The following EPHA7 variants were observed in gnomAD, a reference collection of about 807,000 sequenced individuals.
EPHA7 encodes EPH receptor A7, also known as ephrin type-A receptor 7.
In EPHA7, 25 loss-of-function variants were observed where a neutral mutation model predicts 112.6. That is an observed-to-expected ratio of 0.22 (90% CI 0.16 to 0.31). The LOEUF (loss-of-function observed/expected upper bound fraction) is 0.31, where lower values mean the gene tolerates loss of function less well. Among genes scored for constraint, EPHA7 ranks in the 10% least tolerant of loss-of-function variants. EPHA7 has a pLI of 1.00. For missense variants in EPHA7, 962 were observed against 1,212.6 expected, an observed-to-expected ratio of 0.79 and a Z score of 3.07; for synonymous variants, 437 against 406.5, an observed-to-expected ratio of 1.07 and a Z score of -0.90.
intron 3 of EPHA7, among the ~76,000 whole-genome samples, chr6:93,389,216 A>C (rs1033093784): frequency 2.0e-5 from 3 of 152,112 alleles, no homozygotes; most frequent in Admixed American, 6.6e-5. Context: ...TGAGTTAGAC[A>C]GTGTGTTAAA....
intron 10 of EPHA7, 58 bp downstream of exon 10, chr6:93,259,296 A>G (rs1770581999): frequency 6.2e-7 from 1 of 1,600,004 alleles, no homozygotes; most frequent in South Asian, 1.1e-5. Flanking sequence ...ATTATGATGT[A>G]TGACTTTCGA....
rs547685753 is a variant in EPHA7 at position 93,245,511 on chromosome 6, T to C, written c.2727-58A>G. The C allele has an allele frequency of 4.7e-5, 73 of 1,548,422 alleles. No individual in the cohort carries two copies. The African/African-American group carries it at 8.7e-4, about 19-fold the overall frequency. The stretch of plus-strand genomic sequence containing the variant: ...ATCCTGAAATACCAAAGAAAGAATG[T>C]TTTGGCCCATATAAAATTAAGGTAT... On this transcript the variant is annotated intron_variant, in intron 15 of 16. Coordinates refer to ENST00000369303, the MANE Select transcript of EPHA7 (RefSeq NM_004440.4).
At chr6:93,251,623 A>AAAAT (rs74279359) in intron 14 of EPHA7, among the ~76,000 whole-genome samples, 97,447 of 150,906 alleles carry the variant, frequency 0.65, 32,514 homozygotes, top group South Asian at 0.83. Context: ...CTAGAAGAAA[A>AAAAT]AAAATCTATA....
intron 5 of EPHA7, among the ~76,000 whole-genome samples, chr6:93,311,822 A>G (rs1222745062): frequency 1.3e-5 from 2 of 152,228 alleles, no homozygotes; most frequent in Non-Finnish European, 2.9e-5. Context: ...TTGAAAGGTG[A>G]AATTACTCTT....
intron 5 of EPHA7, among the ~76,000 whole-genome samples, chr6:93,353,897 G>A (rs1775816274): frequency 6.6e-6 from 1 of 151,966 alleles, no homozygotes; most frequent in Non-Finnish European, 1.5e-5. Context: ...CTGGTAAAGG[G>A]TCTTGTGCTC....
intron 14 of EPHA7, among the ~76,000 whole-genome samples, chr6:93,248,824 C>T (rs1161509420): frequency 1.3e-5 from 2 of 152,080 alleles, no homozygotes; most frequent in Non-Finnish European, 2.9e-5. Flanking sequence ...TGCCTCACAT[C>T]CTCTTATATA....
chr6:93,394,966 T>C (rs1322519090), intron 3 of EPHA7, among the ~76,000 whole-genome samples: 1 of 151,874 alleles, frequency 6.6e-6, no homozygotes, highest in Admixed American at 6.6e-5. Context: ...AGCAAATACT[T>C]AATATTTTTT....
intron 7 of EPHA7, among the ~76,000 whole-genome samples, chr6:93,267,055 T>C (rs896878999): frequency 6.6e-5 from 10 of 151,808 alleles, no homozygotes; most frequent in African/African-American, 1.9e-4. Context: ...AGAAGGTATA[T>C]GACATGATAA....
chr6:93,263,448 G>C (rs1483728394), intron 9 of EPHA7, among the ~76,000 whole-genome samples: 1 of 151,174 alleles, frequency 6.6e-6, no homozygotes, highest in African/African-American at 2.4e-5. Context: ...AGAGAAAGAG[G>C]CTCCTTAATT....
chr6:93,359,874 G>GAGAGAGAGAGAGATAGATAGAT (rs1462833873), intron 3 of EPHA7, among the ~76,000 whole-genome samples: 23 of 127,930 alleles, frequency 1.8e-4, no homozygotes, highest in South Asian at 5.2e-4. Flanking sequence ...GAGAGAGAGA[G>GAGAGAGAGAGAGATAGATAGAT]AGATAGATAG....
chr6:93,416,592 G>A (rs1779238658), intron 1 of EPHA7, among the ~76,000 whole-genome samples: 1 of 152,204 alleles, frequency 6.6e-6, no homozygotes, highest in Admixed American at 6.5e-5. Context: ...GCTCTCAAGT[G>A]ATCCGTGCGT....
rs1016377994 is a variant in EPHA7 at position 93,419,437 on chromosome 6, C to T, written c.-96G>A. 2 of 969,216 alleles carry T rather than the reference C, an allele frequency of 2.1e-6. No individual in the cohort carries two copies. Among genetic ancestry groups the T allele is most frequent in the African/African-American group, 1.7e-5 (1 of 60,410 alleles). 60.0% of individuals were successfully genotyped at this position (969,216 alleles called of 1,614,324 possible). A position where few individuals can be genotyped will look rare whatever the true frequency, so the allele number is the denominator to read the frequency against. On this transcript the variant is annotated 5_prime_UTR_variant, in exon 1 of 17. Coordinates refer to ENST00000369303, the MANE Select transcript of EPHA7 (RefSeq NM_004440.4). The stretch of plus-strand genomic sequence containing the variant: ...GAAGTAGCTTTTGTTTTATTGTGCT[C>T]CTTGCATCGATTCCCCTTCTCGGTC...
chr6:93,382,365 T>A (rs1356455907), intron 3 of EPHA7, among the ~76,000 whole-genome samples: 7 of 152,114 alleles, frequency 4.6e-5, no homozygotes, highest in African/African-American at 1.4e-4. Context: ...AGGTTCGTAC[T>A]CCTATGAGAA....
chr6:93,347,426 G>C (rs766), intron 5 of EPHA7, among the ~76,000 whole-genome samples: 6,608 of 145,756 alleles, frequency 0.045, 167 homozygotes, highest in African/African-American at 0.056. Flanking sequence ...ACAAGTTAAG[G>C]GTTTTTTGGA....
At chr6:93,417,862 G>C (rs561347312) in intron 1 of EPHA7, among the ~76,000 whole-genome samples, 19 of 152,244 alleles carry the variant, frequency 1.2e-4, no homozygotes, top group African/African-American at 4.6e-4. Context: ...GATGTGGAAA[G>C]TGGGGTCAGA....
At chr6:93,270,395 T>C (rs916764130) in intron 6 of EPHA7, among the ~76,000 whole-genome samples, 12 of 151,418 alleles carry the variant, frequency 7.9e-5, no homozygotes, top group African/African-American at 1.9e-4. Context: ...TTTATGTGCA[T>C]ATATAGTAAG....
chr6:93,242,324 A>C lies in EPHA7; in HGVS notation c.*1102T>G, dbSNP rs1769723479. ...AGCAAATTTGTGTTTAAATGGTGAA[A>C]ATTGTGAACTGCCCCTTTATCATGC... On this transcript the variant is annotated 3_prime_UTR_variant, in exon 17 of 17. Coordinates refer to ENST00000369303, the MANE Select transcript of EPHA7 (RefSeq NM_004440.4). 5.0e-6 allele frequency: 1 copy of C among 201,738 alleles called. No homozygotes were observed. Among genetic ancestry groups the C allele is most frequent in the African/African-American group, 2.3e-5 (1 of 43,584 alleles). The allele number at this position is 201,738 out of a possible 1,614,324, so 12.5% of individuals were successfully genotyped here. A position where few individuals can be genotyped will look rare whatever the true frequency, so the allele number is the denominator to read the frequency against.
chr6:93,243,605 C>CAGTTA, intron 16 of EPHA7, 65 bp from the exon 17 acceptor site: 1 of 1,076,990 alleles, frequency 9.3e-7, no homozygotes, highest in South Asian at 1.3e-5. Flanking sequence ...ACTAAACTGT[C>CAGTTA]ATCAACTGTT....
At chr6:93,371,241 T>C (rs1287089002) in intron 3 of EPHA7, among the ~76,000 whole-genome samples, 1 of 138,794 alleles carries the variant, frequency 7.2e-6, no homozygotes, top group Non-Finnish European at 1.6e-5. Flanking sequence ...AACCCAACCA[T>C]GGATAATAAA....
Sources: gnomAD v4.1 joint callset for allele counts (sites outside exome capture counted in the v4.1 genomes callset) on GRCh38, gnomAD v4.1.1 for gene constraint, MANE v1.5 for transcripts, NCBI Gene and HGNC (gene_info 2026-07-23, HGNC 2026-07-21) for gene names.